Variants in TNFAIP2 observed in about 807,000 individuals in gnomAD.
TNFAIP2 encodes tumor necrosis factor alpha-induced protein 2.
Under a neutral mutation model 63.5 loss-of-function variants are expected in TNFAIP2, and 47 were observed. The ratio of observed to expected loss-of-function variants is 0.74; its 90% CI spans 0.59 to 0.94. TNFAIP2 has a LOEUF of 0.94. Ranked by LOEUF, TNFAIP2 falls within the 40% of genes least tolerant of loss-of-function variation. TNFAIP2 has a pLI of 0.00. For missense variants in TNFAIP2, 787 were observed against 850.2 expected, an observed-to-expected ratio of 0.93 and a Z score of 0.92; for synonymous variants, 405 against 390.2, an observed-to-expected ratio of 1.04 and a Z score of -0.45.
chr14:103,127,202 GAGGCGCCGCCCGAGCGGCTGCGCC>G lies in TNFAIP2; in HGVS notation c.440_463del (p.Pro147_Ala154del). ...GCTGGGCGTGCTGCGGCGGCCGCTG[GAGGCGCCGCCCGAGCGGCTGCGCC>G]AGGCGCTGGCCGTGGTGGCGGAGCA... is the stretch of plus-strand genomic sequence containing the variant. On this transcript the variant is annotated inframe_deletion, in exon 3 of 12. Transcript: ENST00000560869. This position sits in a 1 kb window ranked among gnomAD's most constrained non-coding sequence, Gnocchi z 5.1. 1 of 1,119,608 alleles carries G rather than the reference GAGGCGCCGCCCGAGCGGCTGCGCC, an allele frequency of 8.9e-7. No individual in the cohort carries two copies. Among genetic ancestry groups the G allele is most frequent in the Non-Finnish European group, 1.1e-6 (1 of 911,840 alleles). 69.4% of individuals were successfully genotyped at this position (1,119,608 alleles called of 1,614,324 possible). A position where few individuals can be genotyped will look rare whatever the true frequency, so the allele number is the denominator to read the frequency against.
At position 103,131,193 on chromosome 14, in the gene TNFAIP2, G is replaced by A. The variant is rs771812624; in HGVS notation, c.1298+43G>A. On this transcript the variant is annotated intron_variant, in intron 7 of 11. Coordinates refer to ENST00000560869, the MANE Select transcript of TNFAIP2 (RefSeq NM_006291.4). The surrounding 1 kb of genome is among the most constrained non-coding windows in gnomAD (Gnocchi z 4.0). ...GGCTTGCGGGAGTGGGAGTCACTCA[G>A]CGGGCAGGAGAGGGGAGCTGGAAGG... 1 of 1,603,488 alleles carries A rather than the reference G, an allele frequency of 6.2e-7. No homozygotes were observed. The highest frequency in any genetic ancestry group is 1.1e-5 in the South Asian group (1 of 90,890).
At position 103,135,487 on chromosome 14, in the gene TNFAIP2, C is replaced by T. The variant is rs1236264224; in HGVS notation, c.*127C>T. 1 of 1,501,122 alleles carries T rather than the reference C, an allele frequency of 6.7e-7. No individual in the cohort carries two copies. The highest frequency in any genetic ancestry group is 1.4e-5 in the African/African-American group (1 of 71,594). The allele number at this position is 1,501,122 out of a possible 1,614,324, so 93.0% of individuals were successfully genotyped here. A position where few individuals can be genotyped will look rare whatever the true frequency, so the allele number is the denominator to read the frequency against. On this transcript the variant is annotated 3_prime_UTR_variant, in exon 12 of 12. Coordinates refer to ENST00000560869, the MANE Select transcript of TNFAIP2 (RefSeq NM_006291.4). This position sits in a 1 kb window ranked among gnomAD's most constrained non-coding sequence, Gnocchi z 7.6. ...CTCCTGTGCTCTGATGCTACTTCTGCCTAGCCCTGGCGGAGGTGCAGGCCC... is the reference window on the plus strand; with the variant it reads ...CTCCTGTGCTCTGATGCTACTTCTGTCTAGCCCTGGCGGAGGTGCAGGCCC...
At chr14:103,130,464 C>T (rs2087950639) in intron 6 of TNFAIP2, 49 bp downstream of exon 6, 2 of 1,518,798 alleles carry the variant, frequency 1.3e-6, no homozygotes, top group Non-Finnish European at 1.8e-6. Context: ...CTCTCAGAGC[C>T]ACGGCCCCTC....
At position 103,127,426 on chromosome 14, in the gene TNFAIP2, C is replaced by T. The variant is rs1280611909; in HGVS notation, c.657C>T (p.His219=). 2 of 1,581,716 alleles carry T rather than the reference C, an allele frequency of 1.3e-6. No homozygotes were observed. Among genetic ancestry groups the T allele is most frequent in the Non-Finnish European group, 8.5e-7 (1 of 1,172,308 alleles). ...AGGTCCCCGAGAGCGTCTTTCTGCA[C>T]TTGGGCCGCACCATGAAGGAGGACC... ...GAEVPESVFL[H]LGRTMKEDLE... Residue 219 remains histidine, a synonymous_variant, in exon 3 of 12, where the codon CAC becomes CAT. Coordinates refer to ENST00000560869, the MANE Select transcript of TNFAIP2 (RefSeq NM_006291.4). This position sits in a 1 kb window ranked among gnomAD's most constrained non-coding sequence, Gnocchi z 5.1.
chr14:103,135,241 C>T lies in TNFAIP2; in HGVS notation c.1846C>T (p.Leu616=), dbSNP rs2088070168. 8 of 1,613,982 alleles carry T rather than the reference C, an allele frequency of 5.0e-6. No individual in the cohort carries two copies. The East Asian group carries it at 1.3e-4, about 27-fold the overall frequency. ...CAGCAAAGGCCACCTGAGCGCTATC[C>T]TGGCCATCAAGGGGAACCTATCCAA... ...DFSKGHLSAI[L]AIKGNLSNSE... The change falls in exon 12 of 12, where the codon CTG becomes TTG. Residue 616 remains leucine (L), a synonymous_variant. Transcript: ENST00000560869. This position sits in a 1 kb window ranked among gnomAD's most constrained non-coding sequence, Gnocchi z 7.6.
chr14:103,127,429 G>A lies in TNFAIP2; in HGVS notation c.660G>A (p.Leu220=). The stretch of plus-strand genomic sequence containing the variant: ...TCCCCGAGAGCGTCTTTCTGCACTT[G>A]GGCCGCACCATGAAGGAGGACCTGG... ...AEVPESVFLH[L]GRTMKEDLEA... is the part of the protein sequence containing the mutation. The change falls in exon 3 of 12, where the codon TTG becomes TTA. Residue 220 remains leucine (L), a synonymous_variant. Transcript: ENST00000560869. This position sits in a 1 kb window ranked among gnomAD's most constrained non-coding sequence, Gnocchi z 5.1. The A allele has an allele frequency of 3.8e-6, 6 of 1,583,074 alleles. No individual in the cohort carries two copies. Among genetic ancestry groups the A allele is most frequent in the Non-Finnish European group, 5.1e-6 (6 of 1,172,974 alleles).
chr14:103,133,183 C>T (rs1266016791), intron 9 of TNFAIP2, among the ~76,000 whole-genome samples, 179 bp from the exon 10 acceptor site: 2 of 97,960 alleles, frequency 2.0e-5, no homozygotes, highest in African/African-American at 1.4e-4. Context: ...CACATGTGAA[C>T]ACACACGCAT....
In TNFAIP2 at chr14:103,135,932, A is replaced by C; in HGVS notation, c.*572A>C. On this transcript the variant is annotated 3_prime_UTR_variant, in exon 12 of 12. Coordinates refer to ENST00000560869, the MANE Select transcript of TNFAIP2 (RefSeq NM_006291.4). The surrounding 1 kb of genome is among the most constrained non-coding windows in gnomAD (Gnocchi z 7.6). The stretch of plus-strand genomic sequence containing the variant: ...TAGGGTCCTGTGGCGAGCTGTGAGC[A>C]CCGCCAGCATTAGACGTCACATCCA... The C allele has an allele frequency of 7.8e-7, 1 of 1,289,820 alleles. No individual in the cohort carries two copies. Among genetic ancestry groups the C allele is most frequent in the Non-Finnish European group, 1.0e-6 (1 of 989,122 alleles). 79.9% of individuals were successfully genotyped at this position (1,289,820 alleles called of 1,614,324 possible).
chr14:103,125,702 T>C (rs1566961435), intron 1 of TNFAIP2, among the ~76,000 whole-genome samples: 1 of 152,236 alleles, frequency 6.6e-6, no homozygotes, highest in African/African-American at 2.4e-5. Context: ...CTGTGGCTTC[T>C]GTAGATCCTG....
upstream of TNFAIP2, chr14:103,122,882 A>G (rs1201136773): frequency 4.4e-6 from 2 of 454,340 alleles, no homozygotes; most frequent in Admixed American, 4.7e-5. Flanking sequence ...ACGCATTTCA[A>G]GCAAGGCTTG....
At chr14:103,128,277 C>T (rs964404170) in intron 3 of TNFAIP2, among the ~76,000 whole-genome samples, 15 of 152,162 alleles carry the variant, frequency 9.9e-5, no homozygotes, top group South Asian at 2.1e-4. Flanking sequence ...GCTAGGGCCA[C>T]GTGTCTTGTT....
chr14:103,127,175 G>A lies in TNFAIP2; in HGVS notation c.406G>A (p.Val136Met). Residue 136 changes from valine (V) to methionine (M), a missense_variant, in exon 3 of 12, where the codon GTG becomes ATG. Val to Met is a conservative substitution (Grantham distance 21). Around this residue, in one of 3 missense-constraint regions of TNFAIP2, gnomAD observed 258 missense variants for 228.9 expected, o/e 1.13. Coordinates refer to ENST00000560869, the MANE Select transcript of TNFAIP2 (RefSeq NM_006291.4). This position sits in a 1 kb window ranked among gnomAD's most constrained non-coding sequence, Gnocchi z 5.1. ...GCTGTACGAGCTGCTGCGCGACCAG[G>A]TGCTGGGCGTGCTGCGGCGGCCGCT... is the stretch of plus-strand genomic sequence containing the variant. ...EALYELLRDQVLGVLRRPLEA... is the reference protein window; with the variant it reads ...EALYELLRDQMLGVLRRPLEA... 1.8e-6 allele frequency: 2 copies of A among 1,127,996 alleles called. No individual in the cohort carries two copies. Among genetic ancestry groups the A allele is most frequent in the Non-Finnish European group, 2.2e-6 (2 of 917,622 alleles). 69.9% of individuals were successfully genotyped at this position (1,127,996 alleles called of 1,614,324 possible). A position where few individuals can be genotyped will look rare whatever the true frequency, so the allele number is the denominator to read the frequency against.
rs2087852219 is a variant in TNFAIP2, at chr14:103,126,408, G to A, written c.-50G>A. 6.4e-6 allele frequency: 9 copies of A among 1,416,062 alleles called. No individual in the cohort carries two copies. The highest frequency in any genetic ancestry group is 1.4e-5 in the African/African-American group (1 of 69,160). The allele number at this position is 1,416,062 out of a possible 1,614,324, so 87.7% of individuals were successfully genotyped here. ...GTGCCAGGCACCCTCGACTTGCCTAGAGGCCCCCAAAAGTTGCAGTCCACA... is the reference window on the plus strand; with the variant it reads ...GTGCCAGGCACCCTCGACTTGCCTAAAGGCCCCCAAAAGTTGCAGTCCACA... On this transcript the variant is annotated 5_prime_UTR_variant, in exon 2 of 12. Transcript: ENST00000560869.
chr14:103,131,015 G>A lies in TNFAIP2; in HGVS notation c.1200-37G>A. On this transcript the variant is annotated intron_variant, in intron 6 of 11. Transcript: ENST00000560869. The surrounding 1 kb of genome is among the most constrained non-coding windows in gnomAD (Gnocchi z 4.0). ...GGCTGCTGCTGTGGTCCCAGTGTTT[G>A]GGCTGGTCCTGAATGTGCCCCTTCT... 1 of 1,605,798 alleles carries A rather than the reference G, an allele frequency of 6.2e-7. No homozygotes were observed. Among genetic ancestry groups the A allele is most frequent in the Non-Finnish European group, 8.5e-7 (1 of 1,172,942 alleles).
Position 103,130,080 on chromosome 14 carries a change from C to G in TNFAIP2, c.1054C>G (p.Leu352Val), listed in dbSNP as rs758344535. 6.2e-7 allele frequency: 1 copy of G among 1,613,334 alleles called. No homozygotes were observed. Among genetic ancestry groups the G allele is most frequent in the African/African-American group, 1.3e-5 (1 of 75,012 alleles). ...RWAEDVPPQR[L>V]DGHCHSELAI... ...GGCTGAGGATGTGCCTCCCCAGAGG[C>G]TGGACGGCCACTGCCACAGCGAGCT... The change falls in exon 5 of 12, where the codon CTG becomes GTG. Residue 352 changes from leucine to valine, a missense_variant. Around this residue, in one of 3 missense-constraint regions of TNFAIP2, gnomAD observed 523 missense variants for 604.1 expected, o/e 0.87. Coordinates refer to ENST00000560869, the MANE Select transcript of TNFAIP2 (RefSeq NM_006291.4).
At chr14:103,126,835 C>G in intron 2 of TNFAIP2, 143 bp downstream of exon 2, 1 of 1,332,674 alleles carries the variant, frequency 7.5e-7, no homozygotes, top group South Asian at 1.5e-5. Context: ...GTGCCGCAAT[C>G]TGGGGGGCTG....
At position 103,137,329 on chromosome 14, in the gene TNFAIP2, T is replaced by C. The variant is rs1456588786; in HGVS notation, c.*1969T>C. ...CTTTGTACGTGTGTAGGAGTTAGCG[T>C]GTTTGATATTGTTAATATAATAATA... On this transcript the variant is annotated 3_prime_UTR_variant, in exon 12 of 12. Coordinates refer to ENST00000560869, the MANE Select transcript of TNFAIP2 (RefSeq NM_006291.4). 6.6e-6 allele frequency: 1 copy of C among 152,360 alleles called. No individual in the cohort carries two copies. The highest frequency in any genetic ancestry group is 1.9e-4 in the East Asian group (1 of 5,190). 9.4% of individuals were successfully genotyped at this position (152,360 alleles called of 1,614,324 possible). A position where few individuals can be genotyped will look rare whatever the true frequency, so the allele number is the denominator to read the frequency against.
chr14:103,124,114 C>A (rs1370934402), intron 1 of TNFAIP2, among the ~76,000 whole-genome samples, 163 bp downstream of exon 1: 2 of 152,246 alleles, frequency 1.3e-5, no homozygotes, highest in Non-Finnish European at 2.9e-5. Flanking sequence ...TTCTTCCTTT[C>A]TGGCTGCACC....
chr14:103,129,941 G>C (rs1335105349), intron 4 of TNFAIP2, 61 bp from the exon 5 acceptor site: 3 of 1,606,534 alleles, frequency 1.9e-6, no homozygotes, highest in Non-Finnish European at 2.6e-6. Context: ...GGAGCTTGAC[G>C]GGTCTTCCAG....
Sources: allele counts gnomAD v4.1 joint callset (sites outside exome capture counted in the v4.1 genomes callset), GRCh38; gene constraint gnomAD v4.1.1; regional missense constraint gnomAD v4.1.1; non-coding constraint Gnocchi (gnomAD v3.1); transcripts MANE v1.5; gene names NCBI Gene and HGNC (gene_info 2026-07-23, HGNC 2026-07-21).